Variants in NBEA observed in about 807,000 individuals in gnomAD.
NBEA encodes lysosomal-trafficking regulator 2.
In NBEA, 44 loss-of-function variants were observed where a neutral mutation model predicts 343.4. The ratio of observed to expected loss-of-function variants is 0.13; its 90% CI spans 0.10 to 0.16. The LOEUF (loss-of-function observed/expected upper bound fraction) is 0.16. Ranked by LOEUF, NBEA falls within the 10% of genes least tolerant of loss-of-function variation. The pLI, the probability that NBEA is intolerant of heterozygous loss-of-function variation, is 1.00. For synonymous variants in NBEA, 1,175 were observed against 1,238.7 expected (o/e 0.95, Z 1.08); for missense variants, 2,555 against 3,631.3 (o/e 0.70, Z 7.62).
chr13:35,137,825 A>G (rs1321013831), intron 17 of NBEA, among the ~76,000 whole-genome samples: 2 of 152,170 alleles, frequency 1.3e-5, no homozygotes, highest in Admixed American at 1.3e-4. Flanking sequence ...TAAAATAAAA[A>G]TCATTTTAAA....
intron 1 of NBEA, among the ~76,000 whole-genome samples, chr13:34,976,316 C>G (rs1371780632): frequency 1.3e-5 from 2 of 152,132 alleles, no homozygotes. Flanking sequence ...AGTGAAGTAA[C>G]TCAGGAATGG....
intron 34 of NBEA, among the ~76,000 whole-genome samples, chr13:35,249,809 A>G (rs1405944918): frequency 6.6e-6 from 1 of 152,226 alleles, no homozygotes; most frequent in African/African-American, 2.4e-5. Context: ...ACAAATGGTC[A>G]AGTCGTGGAA....
chr13:35,463,342 G>T (rs1254297436), intron 40 of NBEA, among the ~76,000 whole-genome samples: 1 of 152,194 alleles, frequency 6.6e-6, no homozygotes, highest in African/African-American at 2.4e-5. Context: ...TAAGTTGCAG[G>T]CCAGGTGCGG....
intron 1 of NBEA, among the ~76,000 whole-genome samples, chr13:34,998,655 A>G (rs7320655): frequency 0.93 from 141,024 of 152,236 alleles, 65,822 homozygotes; most frequent in Non-Finnish European, 0.99. Flanking sequence ...TGTTCTGCCC[A>G]GCTCACCGGC....
At position 35,343,635 on chromosome 13, in the gene NBEA, C is replaced by T. The variant is rs112153371; in HGVS notation, c.5904-5473C>T. On this transcript the variant is annotated intron_variant, in intron 36 of 58. Coordinates refer to ENST00000379939, the MANE Select transcript of NBEA (RefSeq NM_001385012.1). ...AGCCACTTCCCATTGCTGGCATCAC[C>T]GCCTGAGCTCCGCCTCCTGTCAGAT... 6.5e-3 allele frequency among the ~76,000 whole-genome samples: 985 copies of T among 152,152 alleles called. 9 individuals are homozygous for T. Among genetic ancestry groups the T allele is most frequent in the African/African-American group, 0.023 (943 of 41,522 alleles).
intron 1 of NBEA, 46 bp from the exon 2 acceptor site, chr13:35,040,887 A>C (rs1442802710): frequency 1.3e-6 from 2 of 1,493,044 alleles, no homozygotes. Flanking sequence ...ACTGTCATCG[A>C]TAACCTCCCA....
chr13:35,418,991 A>G (rs191329993), intron 38 of NBEA, among the ~76,000 whole-genome samples: 67 of 152,046 alleles, frequency 4.4e-4, no homozygotes, highest in Admixed American at 3.8e-3. Context: ...ACAATTGTCT[A>G]TGTTTCATAT....
chr13:35,180,518 C>T lies in NBEA; in HGVS notation c.4663-1842C>T, dbSNP rs111770242. Among the ~76,000 whole-genome samples the T allele has an allele frequency of 5.9e-5, 9 of 151,606 alleles. 1 individual carries two copies. The highest frequency in any genetic ancestry group is 2.2e-4 in the African/African-American group (9 of 41,468). Reference sequence around the variant, plus strand: ...TTGTTTTAACTATCATTGCTTTCTGCCTTGGCCAGTTTTTTTCAAACCTTT... The same window carrying T: ...TTGTTTTAACTATCATTGCTTTCTGTCTTGGCCAGTTTTTTTCAAACCTTT... On this transcript the variant is annotated intron_variant, in intron 28 of 58. Transcript: ENST00000379939.
At chr13:35,193,766 T>C (rs1218852279) in intron 30 of NBEA, among the ~76,000 whole-genome samples, 1 of 151,978 alleles carries the variant, frequency 6.6e-6, no homozygotes, top group African/African-American at 2.4e-5. Flanking sequence ...GTTTGAATAT[T>C]ATTATCATAT....
chr13:35,626,838 TA>T (rs1253316682), intron 48 of NBEA, among the ~76,000 whole-genome samples: 2 of 152,198 alleles, frequency 1.3e-5, no homozygotes, highest in Non-Finnish European at 2.9e-5. Flanking sequence ...ATAGACAATA[TA>T]GAAATTCTGT....
intron 41 of NBEA, among the ~76,000 whole-genome samples, chr13:35,500,760 T>G (rs1050233971): frequency 1.3e-5 from 2 of 151,532 alleles, no homozygotes; most frequent in Non-Finnish European, 2.9e-5. Context: ...CTGTAAAATA[T>G]TATCATAGGA....
At chr13:34,971,819 CTTTT>C (rs527325078) in intron 1 of NBEA, among the ~76,000 whole-genome samples, 1 of 137,830 alleles carries the variant, frequency 7.3e-6, no homozygotes. Flanking sequence ...TTTTTCTTTT[CTTTT>C]TTTTTTTTTG....
At chr13:35,157,409 A>T (rs1185600216) in intron 21 of NBEA, 139 bp downstream of exon 21, 1 of 642,488 alleles carries the variant, frequency 1.6e-6, no homozygotes, top group African/African-American at 1.9e-5. Flanking sequence ...TTTTTCCCTC[A>T]TTGTTCATAG....
intron 11 of NBEA, among the ~76,000 whole-genome samples, chr13:35,099,056 C>T (rs999714246): frequency 2.8e-5 from 4 of 140,798 alleles, no homozygotes; most frequent in African/African-American, 1.1e-4. Flanking sequence ...GACAGTGTCT[C>T]ACTCTGTCTC....
chr13:34,986,316 T>C (rs996166351), intron 1 of NBEA, among the ~76,000 whole-genome samples: 1 of 150,958 alleles, frequency 6.6e-6, no homozygotes, highest in East Asian at 1.9e-4. Context: ...CAGGAGCAGG[T>C]TTTTCAGTTT....
intron 34 of NBEA, among the ~76,000 whole-genome samples, chr13:35,248,644 TGGTCAAA>T (rs987234818): frequency 3.9e-5 from 6 of 152,164 alleles, no homozygotes; most frequent in African/African-American, 1.4e-4. Flanking sequence ...CTTACTTATA[TGGTCAAA>T]TGATTTTCAA....
At chr13:35,299,836 A>G (rs143068379) in intron 35 of NBEA, among the ~76,000 whole-genome samples, 129 of 152,348 alleles carry the variant, frequency 8.5e-4, no homozygotes, top group African/African-American at 3.1e-3. Flanking sequence ...ATGAAATGAC[A>G]GTAAATTATT....
At chr13:35,104,409 T>C (rs1380209378) in intron 11 of NBEA, among the ~76,000 whole-genome samples, 2 of 151,928 alleles carry the variant, frequency 1.3e-5, no homozygotes, top group Non-Finnish European at 2.9e-5. Flanking sequence ...AATGTATATA[T>C]ATTTTTGTCT....
intron 36 of NBEA, among the ~76,000 whole-genome samples, chr13:35,310,374 T>A (rs1426520760): frequency 6.6e-6 from 1 of 152,176 alleles, no homozygotes; most frequent in Non-Finnish European, 1.5e-5. Flanking sequence ...ACCGTTTTTA[T>A]CCGGTCAGTG....
Sources: gnomAD v4.1 joint callset for allele counts (sites outside exome capture counted in the v4.1 genomes callset) on GRCh38, gnomAD v4.1.1 for gene constraint, MANE v1.5 for transcripts, NCBI Gene and HGNC (gene_info 2026-07-23, HGNC 2026-07-21) for gene names.